RREB1: variants seen among roughly 807,000 people sequenced by gnomAD.
The protein encoded by RREB1 is ras-responsive element-binding protein 1.
Under a neutral mutation model 117.8 loss-of-function variants are expected in RREB1, and 27 were observed. That is an observed-to-expected ratio of 0.23 (90% confidence interval 0.17 to 0.32). The LOEUF is 0.32. RREB1 is among the 10% of genes least tolerant of loss of function. RREB1 has a pLI of 1.00. For synonymous variants in RREB1, 1,298 were observed against 1,026.7 expected (o/e 1.26, Z -5.05); for missense variants, 2,577 against 2,378.2 (o/e 1.08, Z -1.74).
intron 1 of RREB1, among the ~76,000 whole-genome samples, chr6:7,118,837 C>G (rs1165261602): frequency 1.1e-5 from 1 of 86,998 alleles, no homozygotes; most frequent in African/African-American, 4.6e-5. Context: ...TTTTTAGAGA[C>G]AGGGTTTCAC....
At chr6:7,145,884 C>G (rs1762830683) in intron 1 of RREB1, among the ~76,000 whole-genome samples, 1 of 151,922 alleles carries the variant, frequency 6.6e-6, no homozygotes, top group African/African-American at 2.4e-5. Context: ...AAAGGGGTTG[C>G]TGTTTGCATC....
Position 7,228,436 on chromosome 6 carries a change from A to G in RREB1, c.898-561A>G, listed in dbSNP as rs141513812. Among the ~76,000 whole-genome samples, 20 of 151,284 alleles carry G rather than the reference A, an allele frequency of 1.3e-4. No individual in the cohort carries two copies. In the East Asian group the frequency reaches 3.7e-3, roughly 28 times the overall value. ...CAGTTATCACGCAAACATGATTCTT[A>G]AGATGCTTTGTGGATTTCCTTATTC... On this transcript the variant is annotated intron_variant, in intron 9 of 12. Coordinates refer to ENST00000379938, the MANE Select transcript of RREB1 (RefSeq NM_001003699.4).
intron 4 of RREB1, 107 bp from the exon 5 acceptor site, chr6:7,187,327 G>A (rs1223534523): frequency 3.7e-6 from 2 of 541,366 alleles, no homozygotes; most frequent in African/African-American, 3.9e-5. Flanking sequence ...TGGAGCCCAT[G>A]CTCTCAGCTA....
intron 1 of RREB1, among the ~76,000 whole-genome samples, chr6:7,148,396 T>TG (rs1762966151): frequency 1.3e-5 from 2 of 152,090 alleles, no homozygotes; most frequent in African/African-American, 2.4e-5. Context: ...GGATTCCCAT[T>TG]GGGGGAATTT....
At chr6:7,142,670 T>C (rs2113392698) in intron 1 of RREB1, among the ~76,000 whole-genome samples, 1 of 152,340 alleles carries the variant, frequency 6.6e-6, no homozygotes, top group South Asian at 2.1e-4. Context: ...CACGTGGGGC[T>C]AGCTTACCAA....
intron 1 of RREB1, among the ~76,000 whole-genome samples, chr6:7,149,717 C>T (rs1402416683): frequency 1.3e-5 from 2 of 152,166 alleles, no homozygotes; most frequent in Non-Finnish European, 2.9e-5. Context: ...GACAGAGTTT[C>T]GCTCTGGTCG....
At chr6:7,114,442 C>CT (rs1414694765) in intron 1 of RREB1, among the ~76,000 whole-genome samples, 1 of 143,884 alleles carries the variant, frequency 7.0e-6, no homozygotes, top group Non-Finnish European at 1.5e-5. Context: ...TTGGCACTGT[C>CT]TGGAGACATT....
chr6:7,230,186 A>G lies in RREB1; in HGVS notation c.2087A>G (p.Glu696Gly). The part of the protein sequence containing the change: ...LIRHLRTHSG[E>G]RPYICKICHY... Reference sequence around the variant, plus strand: ...CGCCACCTGCGCACGCACAGTGGGGAGCGGCCCTACATTTGCAAGATCTGC... The same window carrying G: ...CGCCACCTGCGCACGCACAGTGGGGGGCGGCCCTACATTTGCAAGATCTGC... Residue 696 changes from glutamate (E) to glycine (G), a missense_variant, in exon 10 of 13, where the codon GAG becomes GGG. Glu to Gly is a moderately conservative substitution (Grantham distance 98, BLOSUM62 -2). Transcript: ENST00000379938. 6.2e-7 allele frequency: 1 copy of G among 1,606,304 alleles called. No homozygotes were observed. The highest frequency in any genetic ancestry group is 8.5e-7 in the Non-Finnish European group (1 of 1,179,862).
chr6:7,236,517 C>T (rs187304513), intron 10 of RREB1, among the ~76,000 whole-genome samples: 2 of 152,298 alleles, frequency 1.3e-5, no homozygotes, highest in African/African-American at 4.8e-5. Context: ...CGTTTGTACC[C>T]AGTCCTGTGT....
intron 6 of RREB1, among the ~76,000 whole-genome samples, chr6:7,202,628 C>T (rs1379057479): frequency 2.6e-5 from 4 of 152,190 alleles, no homozygotes; most frequent in African/African-American, 4.8e-5. Flanking sequence ...TTCAGCATCC[C>T]TGCTGGGAGA....
chr6:7,127,594 T>C (rs1284698498), intron 1 of RREB1, among the ~76,000 whole-genome samples: 1 of 152,222 alleles, frequency 6.6e-6, no homozygotes, highest in Non-Finnish European at 1.5e-5. Flanking sequence ...GGATGGACAC[T>C]GGGAGCTGAA....
chr6:7,248,653 G>A lies in RREB1; in HGVS notation c.4914G>A (p.Glu1638=). The A allele has an allele frequency of 6.2e-7, 1 of 1,614,236 alleles. No homozygotes were observed. Among genetic ancestry groups the A allele is most frequent in the Non-Finnish European group, 8.5e-7 (1 of 1,180,044 alleles). The change falls in exon 13 of 13, where the codon GAG becomes GAA. Residue 1638 remains glutamate, a synonymous_variant. Transcript: ENST00000379938. ...KDSDKEERGE[E]DSENESTHSG... ...GCGACAAGGAAGAGCGGGGTGAGGA[G>A]GACAGCGAGAATGAGTCCACCCACA...
rs1007624241 is a variant in RREB1, at chr6:7,139,371, G to A, written c.-285+31311G>A. 6.8e-4 allele frequency: 104 copies of A among 152,266 alleles called. 1 individual carries two copies. Among genetic ancestry groups the A allele is most frequent in the African/African-American group, 2.5e-3 (102 of 41,530 alleles). 9.4% of individuals were successfully genotyped at this position (152,266 alleles called of 1,614,324 possible). On this transcript the variant is annotated intron_variant, in intron 1 of 12. Coordinates refer to ENST00000379938, the MANE Select transcript of RREB1 (RefSeq NM_001003699.4). ...AGTGTAGAAATGGGAGGAAAAGACA[G>A]TATCAGTAAGTTAAAAATATCAGTA...
intron 1 of RREB1, among the ~76,000 whole-genome samples, chr6:7,166,004 C>T (rs1206678903): frequency 6.6e-6 from 1 of 152,180 alleles, no homozygotes; most frequent in Non-Finnish European, 1.5e-5. Flanking sequence ...AAGTGTGCTT[C>T]AGGGACATGA....
At chr6:7,243,659 C>T (rs1768840675) in intron 11 of RREB1, among the ~76,000 whole-genome samples, 1 of 152,162 alleles carries the variant, frequency 6.6e-6, no homozygotes, top group South Asian at 2.1e-4. Flanking sequence ...AACACTCCCC[C>T]TAGTGGGAGT....
At position 7,251,563 on chromosome 6, in the gene RREB1, T is replaced by C. The variant is rs1769414347; in HGVS notation, c.*2595T>C. 6.8e-6 allele frequency: 1 copy of C among 148,090 alleles called. No homozygotes were observed. Among genetic ancestry groups the C allele is most frequent in the Non-Finnish European group, 1.5e-5 (1 of 67,416 alleles). 9.2% of individuals were successfully genotyped at this position (148,090 alleles called of 1,614,324 possible). A position where few individuals can be genotyped will look rare whatever the true frequency, so the allele number is the denominator to read the frequency against. ...AGATTCAATCACTACATGAAACACC[T>C]GGCTGTGAAAACAAAACAACCCAGA... On this transcript the variant is annotated 3_prime_UTR_variant, in exon 13 of 13. Transcript: ENST00000379938.
chr6:7,168,254 GAA>G lies in RREB1; in HGVS notation c.-284-8380_-284-8379del, dbSNP rs574593859. 2.1e-3 allele frequency among the ~76,000 whole-genome samples: 154 copies of G among 72,922 alleles called. 1 individual carries two copies. The Middle Eastern group carries it at 0.022, about 10-fold the overall frequency. The allele number at this position is 72,922 out of a possible 152,430, so 47.8% of individuals were successfully genotyped here. On this transcript the variant is annotated intron_variant, in intron 1 of 12. Coordinates refer to ENST00000379938, the MANE Select transcript of RREB1 (RefSeq NM_001003699.4). The stretch of plus-strand genomic sequence containing the variant: ...TGGGTGACAGAGTGAGACTCCGTCT[GAA>G]AAAAAAAAAAAAAAAAAAAAGATTC...
chr6:7,218,392 C>T (rs1195849396), intron 8 of RREB1: 1 of 151,682 alleles, frequency 6.6e-6, no homozygotes, highest in Non-Finnish European at 1.5e-5. Flanking sequence ...TCATCTTATT[C>T]TGGAGAGTTA....
intron 1 of RREB1, among the ~76,000 whole-genome samples, chr6:7,114,202 A>G (rs1581398647): frequency 6.6e-6 from 1 of 151,964 alleles, no homozygotes; most frequent in African/African-American, 2.4e-5. Context: ...CCTGTCTGCA[A>G]CCTCCACCTC....
Sources: allele counts gnomAD v4.1 joint callset (sites outside exome capture counted in the v4.1 genomes callset), GRCh38; gene constraint gnomAD v4.1.1; transcripts MANE v1.5; gene names NCBI Gene and HGNC (gene_info 2026-07-23, HGNC 2026-07-21).